Variants in RANBP2 observed in about 807,000 individuals in gnomAD.
RANBP2 encodes E3 SUMO-protein ligase RanBP2.
A neutral mutation model predicts 303.6 loss-of-function variants in RANBP2; 57 were observed. The observed-to-expected ratio is 0.19, with a 90% CI of 0.15 to 0.23. The LOEUF (loss-of-function observed/expected upper bound fraction) is 0.23. RANBP2 is among the 10% of genes least tolerant of loss of function. RANBP2 has a pLI of 1.00. For synonymous variants in RANBP2, 1,167 were observed against 1,301.5 expected (o/e 0.90, Z 2.23); for missense variants, 3,138 against 3,780.8 (o/e 0.83, Z 4.46).
chr2:109,287,559 C>G, the RANBP2 span, among the ~76,000 whole-genome samples: 1 of 152,308 alleles, frequency 6.6e-6, no homozygotes, highest in African/African-American at 2.4e-5. Context: ...CCCCCTTGAC[C>G]CTGTTGGTGC....
the RANBP2 span, among the ~76,000 whole-genome samples, chr2:109,654,392 T>C: frequency 6.6e-6 from 1 of 151,960 alleles, no homozygotes; most frequent in Non-Finnish European, 1.5e-5. Flanking sequence ...ATTTCTTTGG[T>C]CATGCCTTCA....
At chr2:109,455,066 TTCA>T in the RANBP2 span, among the ~76,000 whole-genome samples, 1 of 152,216 alleles carries the variant, frequency 6.6e-6, no homozygotes, top group Admixed American at 6.5e-5. Context: ...CTCAGAGACC[TTCA>T]GAGACTTGCC....
the RANBP2 span, among the ~76,000 whole-genome samples, chr2:109,686,724 G>T: frequency 6.6e-6 from 1 of 152,114 alleles, no homozygotes; most frequent in Non-Finnish European, 1.5e-5. Context: ...CAATCTTCCT[G>T]TCTCAGCCTC....
the RANBP2 span, among the ~76,000 whole-genome samples, chr2:108,946,627 T>C: frequency 6.6e-6 from 1 of 152,160 alleles, no homozygotes; most frequent in African/African-American, 2.4e-5. Context: ...CTTACAGTCA[T>C]AGCAGAAGGC....
chr2:109,432,353 G>A, the RANBP2 span: 3 of 1,001,714 alleles, frequency 3.0e-6, no homozygotes, highest in African/African-American at 4.9e-5. Flanking sequence ...GGGTGTGTGA[G>A]GCCTCTGTAA....
the RANBP2 span, among the ~76,000 whole-genome samples, chr2:109,092,320 C>A: frequency 3.3e-5 from 5 of 152,096 alleles, no homozygotes; most frequent in African/African-American, 1.2e-4. Flanking sequence ...TGTGAATTAC[C>A]ATCCTGAGGT....
chr2:109,459,852 T>G, the RANBP2 span, among the ~76,000 whole-genome samples: 1 of 152,190 alleles, frequency 6.6e-6, no homozygotes, highest in African/African-American at 2.4e-5. Context: ...GGGGTCATAA[T>G]AAGTGGTGCT....
chr2:109,696,786 C>CT, the RANBP2 span, among the ~76,000 whole-genome samples: 26 of 151,340 alleles, frequency 1.7e-4, no homozygotes, highest in East Asian at 7.8e-4. Context: ...TTATATAAAT[C>CT]TTTTTTTTTG....
chr2:108,764,605 T>C lies in RANBP2; in HGVS notation c.4066T>C (p.Trp1356Arg). ...GGTTGCAAAGAAAGAAGGGTCTTGG[T>C]GGCATTGTAACAGCTGCTCATTAAA... is the stretch of plus-strand genomic sequence containing the variant. ...FQVAKKEGSW[W>R]HCNSCSLKNA... Residue 1356 changes from tryptophan to arginine, a missense_variant, in exon 20 of 29, where the codon TGG (tryptophan) becomes CGG (arginine). Trp to Arg is a moderately radical substitution (Grantham distance 101, BLOSUM62 -3). This residue lies in a region of RANBP2 where 388 missense variants were observed against 328.5 expected (regional missense o/e 1.18). Coordinates refer to ENST00000283195, the MANE Select transcript of RANBP2 (RefSeq NM_006267.5). 6.2e-7 allele frequency: 1 copy of C among 1,614,044 alleles called. No homozygotes were observed. Among genetic ancestry groups the C allele is most frequent in the Non-Finnish European group, 8.5e-7 (1 of 1,179,976 alleles).
the RANBP2 span, among the ~76,000 whole-genome samples, chr2:109,536,946 T>C: frequency 2.0e-5 from 3 of 152,238 alleles, no homozygotes; most frequent in African/African-American, 7.2e-5. Flanking sequence ...ACCATGATTG[T>C]GAGGCTTCCC....
At chr2:109,676,230 C>T in the RANBP2 span, among the ~76,000 whole-genome samples, 6 of 152,176 alleles carry the variant, frequency 3.9e-5, no homozygotes, top group Admixed American at 3.3e-4. Context: ...ACGTCCACAC[C>T]CTGGAAGGTG....
chr2:109,664,060 T>C, the RANBP2 span, among the ~76,000 whole-genome samples: 1 of 152,292 alleles, frequency 6.6e-6, no homozygotes, highest in South Asian at 2.1e-4. Flanking sequence ...AGTGGATCAC[T>C]CCTATGTAAA....
intron 18 of RANBP2, among the ~76,000 whole-genome samples, chr2:108,759,210 G>T (rs1220773319): frequency 1.3e-5 from 2 of 152,004 alleles, no homozygotes; most frequent in East Asian, 1.9e-4. Flanking sequence ...GGTTGGCTAT[G>T]TGCAAAAGTG....
At chr2:109,550,404 T>C in the RANBP2 span, among the ~76,000 whole-genome samples, 1 of 151,748 alleles carries the variant, frequency 6.6e-6, no homozygotes. Flanking sequence ...CCTCTGCCTC[T>C]TGTGTTCAGG....
intron 7 of RANBP2, among the ~76,000 whole-genome samples, chr2:108,746,111 G>A (rs1558894966): frequency 6.6e-6 from 1 of 150,442 alleles, no homozygotes; most frequent in Non-Finnish European, 1.5e-5. Context: ...GTCTCACCGT[G>A]TTGTTCAGGC....
chr2:109,356,628 G>T, the RANBP2 span, among the ~76,000 whole-genome samples: 2 of 152,284 alleles, frequency 1.3e-5, no homozygotes, highest in East Asian at 3.9e-4. Context: ...CTTAGGAGAT[G>T]CTTGAATATA....
the RANBP2 span, among the ~76,000 whole-genome samples, chr2:108,956,430 T>G: frequency 6.6e-6 from 1 of 152,220 alleles, no homozygotes; most frequent in African/African-American, 2.4e-5. Context: ...CTGATGCCAC[T>G]CAAATCCCTC....
At chr2:109,141,175 T>C in the RANBP2 span, among the ~76,000 whole-genome samples, 1 of 152,192 alleles carries the variant, frequency 6.6e-6, no homozygotes, top group Non-Finnish European at 1.5e-5. Context: ...ATTCCTCTCT[T>C]TTGTCTCCCT....
At chr2:109,531,098 C>T in the RANBP2 span, among the ~76,000 whole-genome samples, 9 of 152,122 alleles carry the variant, frequency 5.9e-5, no homozygotes, top group South Asian at 6.2e-4. Context: ...AGGTGTGGAC[C>T]GAGCAGGAGA....
Sources: allele counts gnomAD v4.1 joint callset (sites outside exome capture counted in the v4.1 genomes callset), GRCh38; gene constraint gnomAD v4.1.1; regional missense constraint gnomAD v4.1.1; transcripts MANE v1.5; gene names NCBI Gene and HGNC (gene_info 2026-07-23, HGNC 2026-07-21).